The following DOCK8 variants were observed in gnomAD, a reference collection of about 807,000 sequenced individuals.
DOCK8 encodes the protein dedicator of cytokinesis protein 8.
In DOCK8, 141 loss-of-function variants were observed where a neutral mutation model predicts 245.6. That is an observed-to-expected ratio of 0.57 (90% CI 0.50 to 0.66). The LOEUF (loss-of-function observed/expected upper bound fraction) is 0.66, where lower values mean the gene tolerates loss of function less well. DOCK8 is among the 30% of genes least tolerant of loss of function. The pLI is 0.00. For synonymous variants in DOCK8, 1,168 were observed against 970.2 expected (o/e 1.20, Z -3.79); for missense variants, 2,965 against 2,603.4 (o/e 1.14, Z -3.02).
At position 441,366 on chromosome 9, in the gene DOCK8, G is replaced by C. The variant is rs750791600; in HGVS notation, c.5304G>C (p.Leu1768=). Residue 1768 remains leucine (L), a synonymous_variant, in exon 41 of 48, where the codon CTG becomes CTC. Transcript: ENST00000432829. ...ILEAHREFRK[L]TLTHSKLQRA... ...AAGCGCATCGAGAATTCCGGAAGCT[G>C]ACACTCACTCACAGCAAGCTGCAGA... 8 of 1,614,198 alleles carry C rather than the reference G, an allele frequency of 5.0e-6. No homozygotes were observed. Among genetic ancestry groups the C allele is most frequent in the Non-Finnish European group, 5.9e-6 (7 of 1,180,046 alleles).
chr9:418,303 A>T, intron 30 of DOCK8, 96 bp downstream of exon 30: 1 of 1,535,410 alleles, frequency 6.5e-7, no homozygotes. Flanking sequence ...ACAGAGTCTC[A>T]CTCTGTTGCA....
chr9:349,160 C>T (rs969885381), intron 14 of DOCK8, among the ~76,000 whole-genome samples: 1 of 152,178 alleles, frequency 6.6e-6, no homozygotes, highest in African/African-American at 2.4e-5. Context: ...TAAAACAGAG[C>T]TGTGAGTAGT....
chr9:429,669 G>T, intron 35 of DOCK8, 33 bp from the exon 36 acceptor site: 5 of 1,613,948 alleles, frequency 3.1e-6, no homozygotes, highest in Non-Finnish European at 4.2e-6. Flanking sequence ...AAACTGCCAA[G>T]TGATGCCTAA....
intron 12 of DOCK8, among the ~76,000 whole-genome samples, chr9:338,355 A>G (rs1356235428): frequency 6.6e-6 from 1 of 152,190 alleles, no homozygotes; most frequent in African/African-American, 2.4e-5. Context: ...GTGCCACATC[A>G]TAGAAATAGT....
At chr9:266,169 C>G (rs1053002618) in intron 1 of DOCK8, among the ~76,000 whole-genome samples, 1 of 152,124 alleles carries the variant, frequency 6.6e-6, no homozygotes, top group Admixed American at 6.5e-5. Context: ...TAAAAGCTCC[C>G]TAAACATTCC....
At chr9:366,553 GTAAGTTTATC>G (rs2053011691) in intron 14 of DOCK8, 1 of 152,136 alleles carries the variant, frequency 6.6e-6, no homozygotes, top group South Asian at 2.1e-4. Context: ...CTGTGACTAG[GTAAGTTTATC>G]TCAATGTGTC....
At chr9:282,268 A>G (rs1164615555) in intron 2 of DOCK8, among the ~76,000 whole-genome samples, 1 of 152,112 alleles carries the variant, frequency 6.6e-6, no homozygotes, top group African/African-American at 2.4e-5. Flanking sequence ...TGCTCAGAAC[A>G]TCATTGCTGA....
chr9:216,073 C>G (rs992174340), intron 1 of DOCK8, among the ~76,000 whole-genome samples: 2 of 152,174 alleles, frequency 1.3e-5, no homozygotes, highest in African/African-American at 4.8e-5. Context: ...GCGATAAGGT[C>G]TTCTAGAGGG....
chr9:400,112 CCACCACCAG>C (rs2054742806), intron 26 of DOCK8, among the ~76,000 whole-genome samples: 5 of 102,620 alleles, frequency 4.9e-5, no homozygotes, highest in African/African-American at 2.3e-4. Flanking sequence ...ACCACCTCCA[CCACCACCAG>C]CATCTTCACC....
chr9:272,810 C>G (rs900243015), intron 2 of DOCK8: 2 of 152,998 alleles, frequency 1.3e-5, no homozygotes, highest in African/African-American at 4.8e-5. Flanking sequence ...CAGATGTGTG[C>G]CAAGTGAGAT....
intron 38 of DOCK8, 27 bp from the exon 39 acceptor site, chr9:434,756 A>T: frequency 1.2e-6 from 2 of 1,612,810 alleles, no homozygotes; most frequent in South Asian, 2.2e-5. Context: ...TGTCCTCAAA[A>T]CTACTTCTCA....
intron 28 of DOCK8, among the ~76,000 whole-genome samples, chr9:411,888 C>G (rs1378387735): frequency 6.6e-6 from 1 of 152,186 alleles, no homozygotes; most frequent in Non-Finnish European, 1.5e-5. Context: ...TCTAATAACG[C>G]TTCCTGATAA....
intron 1 of DOCK8, among the ~76,000 whole-genome samples, chr9:221,082 T>G (rs1011170545): frequency 3.3e-5 from 5 of 152,068 alleles, no homozygotes; most frequent in Non-Finnish European, 7.4e-5. Context: ...ACAGTGGGGG[T>G]ATAGACGAAA....
In DOCK8 at chr9:272,406, A is replaced by T. The variant is rs550127988; in HGVS notation, c.156+677A>T. ...TGTACAAACCTTCTTTTTTTGAGAC[A>T]GGGTGTCAGTCTGTCACCCAGCCTG... is the stretch of plus-strand genomic sequence containing the variant. On this transcript the variant is annotated intron_variant, in intron 2 of 47. Transcript: ENST00000432829. Among the ~76,000 whole-genome samples the T allele has an allele frequency of 4.6e-5, 7 of 152,218 alleles. No individual in the cohort carries two copies. The South Asian group carries it at 1.5e-3, about 32-fold the overall frequency.
intron 8 of DOCK8, 24 bp from the exon 9 acceptor site, chr9:327,995 ATAT>A: frequency 6.2e-7 from 1 of 1,609,268 alleles, no homozygotes; most frequent in South Asian, 1.1e-5. Context: ...GGTCTAACTT[ATAT>A]TTCACTTTGC....
intron 23 of DOCK8, 122 bp downstream of exon 23, chr9:386,548 A>G: frequency 1.3e-6 from 1 of 792,530 alleles, no homozygotes; most frequent in East Asian, 2.8e-5. Context: ...GTGCTAACAC[A>G]CACACACCCC....
chr9:304,130 T>C (rs1446625493), intron 4 of DOCK8, among the ~76,000 whole-genome samples: 1 of 152,250 alleles, frequency 6.6e-6, no homozygotes, highest in African/African-American at 2.4e-5. Flanking sequence ...TTATTTTTTC[T>C]TAACCATGTC....
intron 14 of DOCK8, among the ~76,000 whole-genome samples, chr9:347,228 G>T (rs2051934546): frequency 6.6e-6 from 1 of 152,104 alleles, no homozygotes; most frequent in Non-Finnish European, 1.5e-5. Flanking sequence ...TCCATACCGG[G>T]CACAGCGGCT....
chr9:283,304 CT>C (rs1482417832), intron 2 of DOCK8, among the ~76,000 whole-genome samples: 5 of 152,172 alleles, frequency 3.3e-5, no homozygotes, highest in African/African-American at 1.2e-4. Context: ...AAATCTGAAA[CT>C]TTTTTTGTGC....
Sources: gnomAD v4.1 joint callset for allele counts (sites outside exome capture counted in the v4.1 genomes callset) on GRCh38, gnomAD v4.1.1 for gene constraint, MANE v1.5 for transcripts, NCBI Gene and HGNC (gene_info 2026-07-23, HGNC 2026-07-21) for gene names.